HPSE2: variants seen among roughly 807,000 people sequenced by gnomAD.
The protein encoded by HPSE2 is heparanase 2 (inactive).
A neutral mutation model predicts 60.5 loss-of-function variants in HPSE2; 38 were observed. That is an observed-to-expected ratio of 0.63 (90% CI 0.48 to 0.82). HPSE2 has a LOEUF of 0.82. Among genes scored for constraint, HPSE2 ranks in the 40% least tolerant of loss-of-function variants. The pLI is 0.00. For synonymous variants in HPSE2, 295 were observed against 293.2 expected (o/e 1.01, Z -0.06); for missense variants, 713 against 740.4 (o/e 0.96, Z 0.43).
At chr10:98,823,232 A>G (rs1323736748) in intron 3 of HPSE2, among the ~76,000 whole-genome samples, 1 of 152,242 alleles carries the variant, frequency 6.6e-6, no homozygotes, top group East Asian at 1.9e-4. Context: ...CTGATCTCCC[A>G]AAGTGTAGGA....
chr10:99,204,271 A>T (rs180944791), intron 2 of HPSE2, among the ~76,000 whole-genome samples: 5 of 152,174 alleles, frequency 3.3e-5, no homozygotes, highest in Admixed American at 3.3e-4. Context: ...GTCCAACCCC[A>T]TGTAACCAGG....
At chr10:98,956,643 A>G (rs1439846885) in intron 3 of HPSE2, among the ~76,000 whole-genome samples, 1 of 152,156 alleles carries the variant, frequency 6.6e-6, no homozygotes, top group African/African-American at 2.4e-5. Context: ...AGAAGAGGAG[A>G]AAGAAGAATA....
chr10:98,540,082 G>A (rs970576197), intron 9 of HPSE2, among the ~76,000 whole-genome samples: 3 of 152,210 alleles, frequency 2.0e-5, no homozygotes, highest in Non-Finnish European at 4.4e-5. Flanking sequence ...GTTGGTATGA[G>A]TCAATGGTTC....
chr10:98,564,610 T>C (rs948321406), intron 9 of HPSE2, among the ~76,000 whole-genome samples: 2 of 152,194 alleles, frequency 1.3e-5, no homozygotes, highest in Non-Finnish European at 2.9e-5. Context: ...CAATTTTTGT[T>C]TGGCAAATCG....
chr10:98,598,153 C>CTTAGGT (rs1434574503), intron 9 of HPSE2, among the ~76,000 whole-genome samples: 2 of 151,160 alleles, frequency 1.3e-5, no homozygotes, highest in Admixed American at 6.6e-5. Flanking sequence ...TATATGTTAC[C>CTTAGGT]TGTTGCCTTA....
At chr10:99,190,803 G>C (rs1165833715) in intron 2 of HPSE2, among the ~76,000 whole-genome samples, 2 of 152,186 alleles carry the variant, frequency 1.3e-5, no homozygotes, top group African/African-American at 4.8e-5. Context: ...CAGTGGAACA[G>C]AGCACCAGGC....
At chr10:98,806,502 T>G (rs1020089950) in intron 3 of HPSE2, among the ~76,000 whole-genome samples, 2 of 152,192 alleles carry the variant, frequency 1.3e-5, no homozygotes, top group Admixed American at 1.3e-4. Flanking sequence ...TCTTACTTCC[T>G]ATGAGACCAT....
rs1589688887 is a variant in HPSE2, at chr10:99,120,476, A to AT, written c.610+23761_610+23762insA. 6.1e-5 allele frequency among the ~76,000 whole-genome samples: 6 copies of AT among 98,184 alleles called. No homozygotes were observed. In the East Asian group the frequency reaches 1.6e-3, roughly 26 times the overall value. The allele number at this position is 98,184 out of a possible 152,430, so 64.4% of individuals were successfully genotyped here. ...TTGACTTTTTAATAATAGCCATTCT[A>AT]ATTTTTTTTTTTTTGAGACAGAGTT... On this transcript the variant is annotated intron_variant, in intron 3 of 11. Coordinates refer to ENST00000370552, the MANE Select transcript of HPSE2 (RefSeq NM_021828.5).
At chr10:99,092,615 T>C (rs1411956825) in intron 3 of HPSE2, among the ~76,000 whole-genome samples, 2 of 152,214 alleles carry the variant, frequency 1.3e-5, no homozygotes, top group African/African-American at 2.4e-5. Flanking sequence ...TACAGCATGG[T>C]ACAGCATGGT....
intron 2 of HPSE2, among the ~76,000 whole-genome samples, chr10:99,166,120 A>G (rs187985499): frequency 1.7e-3 from 233 of 140,592 alleles, no homozygotes; most frequent in African/African-American, 5.7e-3. Context: ...AATTCACCCA[A>G]GTTGTTGTGA....
intron 3 of HPSE2, among the ~76,000 whole-genome samples, chr10:98,888,029 A>G (rs1031871524): frequency 6.6e-6 from 1 of 152,006 alleles, no homozygotes; most frequent in Non-Finnish European, 1.5e-5. Context: ...TAATAATTGT[A>G]TACCTTTAAA....
chr10:99,023,828 C>T (rs919789151), intron 3 of HPSE2, among the ~76,000 whole-genome samples: 5 of 151,984 alleles, frequency 3.3e-5, no homozygotes, highest in Non-Finnish European at 2.9e-5. Flanking sequence ...GATCACAACA[C>T]CCAAGTCCTT....
intron 6 of HPSE2, among the ~76,000 whole-genome samples, chr10:98,678,354 AT>A (rs2134129958): frequency 6.6e-6 from 1 of 152,334 alleles, no homozygotes; most frequent in East Asian, 1.9e-4. Flanking sequence ...CCAGGCAGCC[AT>A]CTTCTATGGT....
At chr10:99,229,419 C>G (rs556474596) in intron 2 of HPSE2, among the ~76,000 whole-genome samples, 84 of 152,314 alleles carry the variant, frequency 5.5e-4, no homozygotes, top group Non-Finnish European at 9.8e-4. Flanking sequence ...CTTACTCACT[C>G]CTTAATCCCA....
At chr10:98,797,317 A>G (rs1012929693) in intron 3 of HPSE2, among the ~76,000 whole-genome samples, 2 of 152,170 alleles carry the variant, frequency 1.3e-5, no homozygotes, top group African/African-American at 4.8e-5. Flanking sequence ...AGAAGCAGAA[A>G]TTCTATAGTT....
chr10:98,493,689 G>C (rs1003821022), intron 9 of HPSE2, among the ~76,000 whole-genome samples: 2 of 152,160 alleles, frequency 1.3e-5, no homozygotes, highest in African/African-American at 4.8e-5. Flanking sequence ...GGTCTAAAGT[G>C]AATCTCTGTG....
At chr10:99,217,077 G>C (rs1301686668) in intron 2 of HPSE2, among the ~76,000 whole-genome samples, 1 of 151,910 alleles carries the variant, frequency 6.6e-6, no homozygotes, top group Non-Finnish European at 1.5e-5. Context: ...TAATCAGCCT[G>C]TGATCCCTGC....
chr10:98,798,841 A>T (rs538614974), intron 3 of HPSE2, among the ~76,000 whole-genome samples: 1 of 152,274 alleles, frequency 6.6e-6, no homozygotes, highest in South Asian at 2.1e-4. Flanking sequence ...CCATGAAACA[A>T]CCAGAAAACA....
intron 3 of HPSE2, among the ~76,000 whole-genome samples, chr10:99,045,930 C>T (rs1441346009): frequency 4.6e-5 from 7 of 152,126 alleles, no homozygotes; most frequent in Non-Finnish European, 4.4e-5. Flanking sequence ...TGGTAGCAAT[C>T]CTACTGAAAC....
Sources: allele counts gnomAD v4.1 joint callset (sites outside exome capture counted in the v4.1 genomes callset), GRCh38; gene constraint gnomAD v4.1.1; transcripts MANE v1.5; gene names NCBI Gene and HGNC (gene_info 2026-07-23, HGNC 2026-07-21).